The following ASTN1 variants were observed in gnomAD, a reference collection of about 807,000 sequenced individuals.
The protein encoded by ASTN1 is astrotactin 1.
ASTN1 carries 41 observed loss-of-function variants against 140.7 expected under a neutral mutation model. That is an observed-to-expected ratio of 0.29 (90% CI 0.23 to 0.38). ASTN1 has a LOEUF of 0.38. ASTN1 is among the 10% of genes least tolerant of loss of function. The probability of loss-of-function intolerance (pLI) is 1.00; values close to 1 mark genes in which losing one functional copy is unlikely to be tolerated. For synonymous variants in ASTN1, 640 were observed against 652.2 expected (o/e 0.98, Z 0.29); for missense variants, 1,479 against 1,678.8 (o/e 0.88, Z 2.08).
rs565223694 is a variant in ASTN1, at chr1:176,944,899, G to A, written c.2250-881C>T. Among the ~76,000 whole-genome samples, 8 of 152,284 alleles carry A rather than the reference G, an allele frequency of 5.3e-5. No individual in the cohort carries two copies. In the South Asian group the frequency reaches 1.0e-3, roughly 20 times the overall value. ...TCCCAGGCTAAAAGGGGAAATGTTA[G>A]TAATGTCTCCTGTCTACAACAGAAA... On this transcript the variant is annotated intron_variant, in intron 13 of 22. Transcript: ENST00000361833.
intron 21 of ASTN1, among the ~76,000 whole-genome samples, chr1:176,876,280 TA>T (rs1668556392): frequency 6.6e-6 from 1 of 152,178 alleles, no homozygotes; most frequent in Admixed American, 6.5e-5. Flanking sequence ...TCGTGTATGC[TA>T]GGGGGCTTCA....
chr1:177,143,875 G>T (rs1446240660), intron 1 of ASTN1, among the ~76,000 whole-genome samples: 1 of 151,910 alleles, frequency 6.6e-6, no homozygotes, highest in Non-Finnish European at 1.5e-5. Context: ...ACTACAATTG[G>T]CAAAATGACA....
At chr1:177,085,605 G>T (rs1679426053) in intron 1 of ASTN1, among the ~76,000 whole-genome samples, 1 of 152,150 alleles carries the variant, frequency 6.6e-6, no homozygotes, top group African/African-American at 2.4e-5. Flanking sequence ...TGATCTGAGT[G>T]AACCTCAGAT....
At chr1:177,101,007 C>T (rs933966025) in intron 1 of ASTN1, among the ~76,000 whole-genome samples, 4 of 152,112 alleles carry the variant, frequency 2.6e-5, no homozygotes, top group African/African-American at 9.7e-5. Context: ...GCAGCAGAAT[C>T]GCTTGAACCT....
intron 14 of ASTN1, among the ~76,000 whole-genome samples, chr1:176,936,852 T>C (rs1671470296): frequency 6.6e-6 from 1 of 152,242 alleles, no homozygotes; most frequent in Non-Finnish European, 1.5e-5. Flanking sequence ...AATTCGGATT[T>C]CTACCAGCTG....
chr1:176,877,438 C>T (rs1038878245), intron 20 of ASTN1, among the ~76,000 whole-genome samples: 5 of 152,188 alleles, frequency 3.3e-5, no homozygotes, highest in African/African-American at 1.2e-4. Context: ...TGAGATACTG[C>T]CCACTGTGGA....
chr1:176,921,781 A>G (rs540883916), intron 16 of ASTN1, among the ~76,000 whole-genome samples: 1 of 152,286 alleles, frequency 6.6e-6, no homozygotes, highest in Non-Finnish European at 1.5e-5. Flanking sequence ...GCAAACATGG[A>G]GATATGAAAG....
intron 8 of ASTN1, among the ~76,000 whole-genome samples, chr1:176,968,271 A>G (rs1005762155): frequency 6.6e-6 from 1 of 152,278 alleles, no homozygotes; most frequent in Non-Finnish European, 1.5e-5. Context: ...CATTTGTTAA[A>G]TAAGTTAAAT....
intron 4 of ASTN1, 152 bp downstream of exon 4, chr1:177,030,654 T>C: frequency 2.0e-6 from 2 of 1,006,862 alleles, no homozygotes; most frequent in South Asian, 2.0e-5. Context: ...TACATTTTTT[T>C]GGTAAGTAGC....
At position 177,061,206 on chromosome 1, in the gene ASTN1, T is replaced by C. The variant is rs758335650; in HGVS notation, c.343A>G (p.Asn115Asp). The C allele has an allele frequency of 6.2e-7, 1 of 1,607,652 alleles. No homozygotes were observed. The highest frequency in any genetic ancestry group is 8.5e-7 in the Non-Finnish European group (1 of 1,177,154). ...LVRWRQQWLE[N>D]GTLLFHIHHQ... Reference sequence around the variant, plus strand: ...TGAATGTGAAAAAGCAAAGTGCCATTCTCCAGCCACTGCTGCCTCCAGCGC... The same window carrying C: ...TGAATGTGAAAAAGCAAAGTGCCATCCTCCAGCCACTGCTGCCTCCAGCGC... Residue 115 changes from asparagine (N) to aspartate (D), a missense_variant, in exon 2 of 23, where the codon AAT becomes GAT. By Grantham distance (23) the Asn-to-Asp change is conservative. This residue lies in a region of ASTN1 where 729 missense variants were observed against 860.4 expected (regional missense o/e 0.85). Transcript: ENST00000361833.
chr1:177,074,933 T>A (rs1678815168), intron 1 of ASTN1, among the ~76,000 whole-genome samples: 1 of 152,216 alleles, frequency 6.6e-6, no homozygotes, highest in South Asian at 2.1e-4. Flanking sequence ...ATAAAATAAT[T>A]TGGTAGTTTC....
intron 1 of ASTN1, among the ~76,000 whole-genome samples, chr1:177,151,243 T>C (rs1191779144): frequency 6.6e-6 from 1 of 152,072 alleles, no homozygotes; most frequent in Non-Finnish European, 1.5e-5. Flanking sequence ...GACTGCTATT[T>C]TTCAAAAACA....
At chr1:177,006,229 C>T (rs976747602) in intron 8 of ASTN1, among the ~76,000 whole-genome samples, 3 of 152,064 alleles carry the variant, frequency 2.0e-5, no homozygotes, top group Non-Finnish European at 4.4e-5. Flanking sequence ...CTTCTTTATA[C>T]GTTACCCTAT....
chr1:176,937,027 C>A (rs1276572494), intron 14 of ASTN1, among the ~76,000 whole-genome samples: 1 of 152,168 alleles, frequency 6.6e-6, no homozygotes, highest in Non-Finnish European at 1.5e-5. Flanking sequence ...ACCAGGTAAG[C>A]CAGGATGGGG....
At chr1:177,141,888 G>A (rs941048487) in intron 1 of ASTN1, among the ~76,000 whole-genome samples, 3 of 152,194 alleles carry the variant, frequency 2.0e-5, no homozygotes, top group Non-Finnish European at 2.9e-5. Flanking sequence ...TTTCTTACTT[G>A]ACTGGATGAA....
intron 1 of ASTN1, among the ~76,000 whole-genome samples, chr1:177,066,414 AAG>A (rs1468255678): frequency 6.6e-6 from 1 of 152,228 alleles, no homozygotes; most frequent in African/African-American, 2.4e-5. Context: ...CAGTGGGAAG[AAG>A]AGTGAGATGA....
chr1:177,065,710 G>T (rs947662273), intron 1 of ASTN1, among the ~76,000 whole-genome samples: 9 of 152,258 alleles, frequency 5.9e-5, no homozygotes, highest in African/African-American at 2.2e-4. Context: ...CAGGACAGCA[G>T]CAAAAAATGC....
At chr1:177,149,965 G>T (rs1463292705) in intron 1 of ASTN1, among the ~76,000 whole-genome samples, 1 of 150,972 alleles carries the variant, frequency 6.6e-6, no homozygotes, top group Non-Finnish European at 1.5e-5. Context: ...GATTATGTCT[G>T]TTTTATTTCT....
chr1:177,139,188 C>T (rs750690810), intron 1 of ASTN1, among the ~76,000 whole-genome samples: 10 of 152,164 alleles, frequency 6.6e-5, no homozygotes, highest in Non-Finnish European at 1.3e-4. Flanking sequence ...AAGATACACA[C>T]AAGATGGTAC....
Sources: allele counts gnomAD v4.1 joint callset (sites outside exome capture counted in the v4.1 genomes callset), GRCh38; gene constraint gnomAD v4.1.1; regional missense constraint gnomAD v4.1.1; transcripts MANE v1.5; gene names NCBI Gene and HGNC (gene_info 2026-07-23, HGNC 2026-07-21).